The following ADGRV1 variants were observed in gnomAD, a reference collection of about 807,000 sequenced individuals.
ADGRV1 encodes adhesion G protein-coupled receptor V1.
A neutral mutation model predicts 596.2 loss-of-function variants in ADGRV1; 359 were observed. The ratio of observed to expected loss-of-function variants is 0.60; its 90% CI spans 0.55 to 0.66. The LOEUF is 0.66. Ranked by LOEUF, ADGRV1 falls within the 30% of genes least tolerant of loss-of-function variation. ADGRV1 has a pLI of 0.00. For missense variants in ADGRV1, 7,274 were observed against 7,575.6 expected (o/e 0.96, Z 1.48); for synonymous variants, 2,681 against 2,679.2 (o/e 1.00, Z -0.02).
chr5:90,642,915 T>A lies in ADGRV1; in HGVS notation c.2427T>A (p.Phe809Leu). The change falls in exon 13 of 90, where the codon TTT becomes TTA. Residue 809 changes from phenylalanine to leucine, a missense_variant. Physicochemically the swap from Phe to Leu is conservative, Grantham distance 22. This residue lies in a region of ADGRV1 where 1,715 missense variants were observed against 1,708.8 expected (regional missense o/e 1.00). Coordinates refer to ENST00000405460, the MANE Select transcript of ADGRV1 (RefSeq NM_032119.4). ...CAAGGGGGTCCCTTGTTAAGCAGTT[T>A]CTACACTACCGAGTAGAGCCAAGAG... is the stretch of plus-strand genomic sequence containing the variant. ...IRSRGSLVKQFLHYRVEPRDS... is the reference protein window; with the variant it reads ...IRSRGSLVKQLLHYRVEPRDS... The A allele has an allele frequency of 6.2e-7, 1 of 1,612,938 alleles. No individual in the cohort carries two copies. Among genetic ancestry groups the A allele is most frequent in the Admixed American group, 1.7e-5 (1 of 59,920 alleles).
At chr5:90,904,197 A>G (rs1348069824) in intron 83 of ADGRV1, among the ~76,000 whole-genome samples, 2 of 152,100 alleles carry the variant, frequency 1.3e-5, no homozygotes, top group African/African-American at 2.4e-5. Flanking sequence ...AATCTTGGCT[A>G]TTGTGAGTAG....
chr5:90,851,603 A>G (rs1468594226), intron 79 of ADGRV1, among the ~76,000 whole-genome samples: 4 of 152,180 alleles, frequency 2.6e-5, no homozygotes, highest in Admixed American at 6.5e-5. Context: ...TGAGGGTCCA[A>G]CTGAGGTTGG....
At chr5:90,606,817 T>C (rs1039025644) in intron 1 of ADGRV1, among the ~76,000 whole-genome samples, 2 of 152,180 alleles carry the variant, frequency 1.3e-5, no homozygotes, top group African/African-American at 4.8e-5. Context: ...GGGATTTCCT[T>C]TGATGCTTTG....
intron 73 of ADGRV1, 75 bp downstream of exon 73, chr5:90,807,812 G>A (rs1215700217): frequency 2.3e-6 from 3 of 1,296,176 alleles, no homozygotes; most frequent in South Asian, 1.7e-5. Flanking sequence ...AACAGAAAAA[G>A]GCACAAGGGT....
In ADGRV1 at chr5:90,706,298, C is replaced by A. The variant is rs368629697; in HGVS notation, c.8634C>A (p.Asn2878Lys). 4 of 1,613,342 alleles carry A rather than the reference C, an allele frequency of 2.5e-6. No individual in the cohort carries two copies. In the African/African-American group the frequency reaches 5.3e-5, roughly 22 times the overall value. Residue 2878 changes from asparagine to lysine, a missense_variant, in exon 38 of 90, where the codon AAC becomes AAA. Transcript: ENST00000405460. ...MLSLKNQTVGNLAEPEVDFVP... is the reference protein window; with the variant it reads ...MLSLKNQTVGKLAEPEVDFVP... ...GTCTGAAGAACCAAACAGTAGGAAA[C>A]CTAGCAGAGCCAGAAGTTGATTTTG...
At chr5:90,874,288 C>T (rs547213519) in intron 83 of ADGRV1, among the ~76,000 whole-genome samples, 7 of 152,268 alleles carry the variant, frequency 4.6e-5, no homozygotes, top group South Asian at 2.1e-4. Context: ...TTTGCTCATC[C>T]GTATTTCCAT....
chr5:90,734,354 T>A (rs750894413), intron 50 of ADGRV1, among the ~76,000 whole-genome samples: 9 of 152,174 alleles, frequency 5.9e-5, no homozygotes, highest in South Asian at 2.1e-4. Flanking sequence ...TTCCACAACA[T>A]CTTACTAGTT....
Position 90,643,848 on chromosome 5 carries a change from G to A in ADGRV1, c.2599G>A (p.Glu867Lys). ...GGTCCTCAGCAGCCACGGAGAACGG[G>A]AAAGCAAGTTGGGAAGTGCCACCAT... Reference protein sequence around the residue: ...WVVLSSHGERESKLGSATIVN... With the variant: ...WVVLSSHGERKSKLGSATIVN... The change falls in exon 14 of 90, where the codon GAA becomes AAA. Residue 867 changes from glutamate to lysine, a missense_variant. Glu to Lys is a moderately conservative substitution (Grantham distance 56, BLOSUM62 1). Around this residue, in one of 5 missense-constraint regions of ADGRV1, gnomAD observed 1,715 missense variants for 1,708.8 expected, o/e 1.00. Coordinates refer to ENST00000405460, the MANE Select transcript of ADGRV1 (RefSeq NM_032119.4). 5 of 1,611,058 alleles carry A rather than the reference G, an allele frequency of 3.1e-6. No homozygotes were observed. The highest frequency in any genetic ancestry group is 4.2e-6 in the Non-Finnish European group (5 of 1,178,306).
At chr5:91,011,568 G>A (rs983405132) in intron 85 of ADGRV1, among the ~76,000 whole-genome samples, 2 of 151,842 alleles carry the variant, frequency 1.3e-5, no homozygotes, top group African/African-American at 4.8e-5. Flanking sequence ...CACTCTATAT[G>A]TATTAACATA....
chr5:91,071,693 G>T (rs891207947), intron 85 of ADGRV1, among the ~76,000 whole-genome samples: 2 of 149,272 alleles, frequency 1.3e-5, no homozygotes, highest in African/African-American at 4.9e-5. Context: ...ATTTTTTTTT[G>T]AGATGGAGTC....
At chr5:90,592,695 C>T (rs141800656) in intron 1 of ADGRV1, among the ~76,000 whole-genome samples, 395 of 152,122 alleles carry the variant, frequency 2.6e-3, no homozygotes, top group African/African-American at 8.9e-3. Flanking sequence ...TGCAATCTAC[C>T]CATCTGACAA....
chr5:90,706,086 A>T (rs1176998525), intron 37 of ADGRV1, 145 bp from the exon 38 acceptor site: 8 of 622,998 alleles, frequency 1.3e-5, no homozygotes, highest in Non-Finnish European at 1.9e-5. Context: ...CATGGTAAAG[A>T]TTATGGATAT....
intron 83 of ADGRV1, among the ~76,000 whole-genome samples, chr5:90,893,332 A>G (rs941681904): frequency 6.6e-6 from 1 of 152,120 alleles, no homozygotes; most frequent in African/African-American, 2.4e-5. Flanking sequence ...AGCATGACCA[A>G]GGTAAAAGCC....
chr5:90,985,517 T>C lies in ADGRV1; in HGVS notation c.18147T>C (p.Gly6049=). 6.2e-7 allele frequency: 1 copy of C among 1,613,118 alleles called. No individual in the cohort carries two copies. Among genetic ancestry groups the C allele is most frequent in the Admixed American group, 1.7e-5 (1 of 60,006 alleles). ...CACAGATCTATGGACTCATTCATGG[T>C]GACCTGTAAGTACACCCAGGCAACA... ...SMSQIYGLIH[G]DLCFIPNVYA... Residue 6049 remains glycine (G), a synonymous_variant, in exon 85 of 90, where the codon GGT becomes GGC. Transcript: ENST00000405460.
intron 85 of ADGRV1, among the ~76,000 whole-genome samples, chr5:91,060,234 T>C (rs1248017384): frequency 2.0e-5 from 3 of 151,982 alleles, no homozygotes; most frequent in East Asian, 1.9e-4. Flanking sequence ...CTTGTTTGTT[T>C]GTTTGGTTTT....
At chr5:90,744,220 A>G (rs1399714607) in intron 50 of ADGRV1, among the ~76,000 whole-genome samples, 1 of 151,248 alleles carries the variant, frequency 6.6e-6, no homozygotes, top group East Asian at 2.0e-4. Context: ...GGGCTCAAGC[A>G]ATCTTCCTGC....
chr5:90,781,104 G>A (rs1758789607), intron 64 of ADGRV1: 1 of 364,456 alleles, frequency 2.7e-6, no homozygotes, highest in Non-Finnish European at 5.2e-6. Context: ...TATGTATTCA[G>A]CCGTGATTCC....
intron 85 of ADGRV1, among the ~76,000 whole-genome samples, chr5:91,048,625 C>A (rs1173115098): frequency 6.6e-6 from 1 of 152,168 alleles, no homozygotes; most frequent in Non-Finnish European, 1.5e-5. Flanking sequence ...TAAAACTAAT[C>A]CTTTCCTTTT....
chr5:91,053,587 G>T (rs1786546671), intron 85 of ADGRV1, among the ~76,000 whole-genome samples: 1 of 152,218 alleles, frequency 6.6e-6, no homozygotes, highest in South Asian at 2.1e-4. Context: ...TCCAGAAAGA[G>T]AATATAGTTC....
Sources: allele counts gnomAD v4.1 joint callset (sites outside exome capture counted in the v4.1 genomes callset), GRCh38; gene constraint gnomAD v4.1.1; regional missense constraint gnomAD v4.1.1; transcripts MANE v1.5; gene names NCBI Gene and HGNC (gene_info 2026-07-23, HGNC 2026-07-21).